The following MARK2 variants were observed in gnomAD, a reference collection of about 807,000 sequenced individuals.
MARK2 encodes the protein serine/threonine-protein kinase MARK2.
In MARK2, 16 loss-of-function variants were observed where a neutral mutation model predicts 89.8. That is an observed-to-expected ratio of 0.18 (90% confidence interval 0.12 to 0.27). The LOEUF (loss-of-function observed/expected upper bound fraction) is 0.27. Among genes scored for constraint, MARK2 ranks in the 10% least tolerant of loss-of-function variants. The pLI is 1.00. For synonymous variants in MARK2, 382 were observed against 399.5 expected, an observed-to-expected ratio of 0.96 and a Z score of 0.52; for missense variants, 621 against 1,049.9, an observed-to-expected ratio of 0.59 and a Z score of 5.65.
At chr11:63,877,100 CTTTTTTTTTTTTTTT>C (rs757123411) in intron 1 of MARK2, among the ~76,000 whole-genome samples, 7 of 79,472 alleles carry the variant, frequency 8.8e-5, no homozygotes, top group African/African-American at 1.4e-4. Flanking sequence ...CAATCAGACT[CTTTTTTTTTTTTTTT>C]TTTTTTTTTT....
chr11:63,851,170 T>C (rs2016555865), intron 1 of MARK2, among the ~76,000 whole-genome samples: 1 of 152,226 alleles, frequency 6.6e-6, no homozygotes, highest in Non-Finnish European at 1.5e-5. Flanking sequence ...AATCTTGAGC[T>C]CAGATTTTGG....
intron 1 of MARK2, among the ~76,000 whole-genome samples, chr11:63,861,799 C>T (rs968041871): frequency 9.0e-5 from 13 of 144,194 alleles, no homozygotes; most frequent in African/African-American, 2.8e-4. Flanking sequence ...TAGAGTGCAA[C>T]GGCACGACCT....
At chr11:63,895,136 G>A (rs1258069110) in intron 1 of MARK2, 23 bp from the exon 2 acceptor site, 2 of 1,603,224 alleles carry the variant, frequency 1.2e-6, no homozygotes, top group African/African-American at 1.3e-5. Context: ...GCATGTAATG[G>A]TATCTCTGTT....
At chr11:63,899,842 G>T in intron 7 of MARK2, 32 bp from the exon 8 acceptor site, 1 of 1,460,858 alleles carries the variant, frequency 6.8e-7, no homozygotes, top group Non-Finnish European at 9.6e-7. Flanking sequence ...TGGTCCACTT[G>T]GTTCCCTGAT....
chr11:63,866,768 G>A (rs952096462), intron 1 of MARK2, among the ~76,000 whole-genome samples: 6 of 152,094 alleles, frequency 3.9e-5, no homozygotes, highest in African/African-American at 1.2e-4. Context: ...TGGACCAACC[G>A]TCTCACTAGC....
At chr11:63,861,050 C>T (rs1042572892) in intron 1 of MARK2, among the ~76,000 whole-genome samples, 6 of 152,148 alleles carry the variant, frequency 3.9e-5, no homozygotes, top group Admixed American at 1.3e-4. Context: ...TATTTCTTTT[C>T]AGATTTACAT....
rs1225368156 is a variant in MARK2 at position 63,898,817 on chromosome 11, G to A, written c.458G>A (p.Arg153Gln). 5 of 1,613,760 alleles carry A rather than the reference G, an allele frequency of 3.1e-6. No homozygotes were observed. The highest frequency in any genetic ancestry group is 2.7e-5 in the African/African-American group (2 of 74,908). Residue 153 changes from arginine to glutamine, a missense_variant, in exon 6 of 19, where the codon CGA (arginine) becomes CAA (glutamine). Arg to Gln is a conservative substitution (Grantham distance 43, BLOSUM62 1). Transcript: ENST00000402010. ...GGCAGGATGAAAGAAAAAGAGGCTC[G>A]AGCCAAATTCCGCCAGGTAGGTGTG... ...AHGRMKEKEA[R>Q]AKFRQIVSAV...
At chr11:63,897,911 CG>C (rs969134739) in intron 3 of MARK2, among the ~76,000 whole-genome samples, 4 of 152,146 alleles carry the variant, frequency 2.6e-5, no homozygotes, top group Non-Finnish European at 5.9e-5. Flanking sequence ...TTCACGCACA[CG>C]GGCTCACACT....
Position 63,903,390 on chromosome 11 carries a change from C to T in MARK2, c.1514+232C>T. On this transcript the variant is annotated intron_variant, in intron 14 of 18. Coordinates refer to ENST00000402010, the MANE Select transcript of MARK2 (RefSeq NM_001039469.3). This position sits in a 1 kb window ranked among gnomAD's most constrained non-coding sequence, Gnocchi z 5.1. ...TTGCCAAGTGTGGGGCTGACCGTGG[C>T]CATCTCAGCTACATGCTCGCTTCTT... 1 of 541,244 alleles carries T rather than the reference C, an allele frequency of 1.8e-6. No individual in the cohort carries two copies. 33.5% of individuals were successfully genotyped at this position (541,244 alleles called of 1,614,324 possible). A position where few individuals can be genotyped will look rare whatever the true frequency, so the allele number is the denominator to read the frequency against.
chr11:63,886,961 C>T (rs760862706), intron 1 of MARK2, among the ~76,000 whole-genome samples: 15 of 152,242 alleles, frequency 9.9e-5, no homozygotes, highest in African/African-American at 3.1e-4. Flanking sequence ...CCGGAGGGCC[C>T]GGGCAAGCTT....
chr11:63,884,384 C>T (rs1939274020), intron 1 of MARK2, among the ~76,000 whole-genome samples: 2 of 152,348 alleles, frequency 1.3e-5, no homozygotes, highest in Non-Finnish European at 2.9e-5. Flanking sequence ...GTTCTCACCT[C>T]TTATGCCATG....
intron 4 of MARK2, 36 bp downstream of exon 4, chr11:63,898,316 A>G (rs1468121229): frequency 3.2e-6 from 5 of 1,579,570 alleles, no homozygotes; most frequent in Admixed American, 3.3e-5. Flanking sequence ...TTCTTCCCCA[A>G]CAGCAAGGCA....
chr11:63,841,385 A>G (rs1036776728), intron 1 of MARK2, among the ~76,000 whole-genome samples: 4 of 151,996 alleles, frequency 2.6e-5, no homozygotes, highest in Non-Finnish European at 4.4e-5. Context: ...GTTGAGAGGG[A>G]GGGATGGTTG....
intron 1 of MARK2, among the ~76,000 whole-genome samples, chr11:63,883,995 G>A (rs945760133): frequency 2.6e-5 from 4 of 152,224 alleles, no homozygotes; most frequent in African/African-American, 9.6e-5. Flanking sequence ...CTTTGCTCAT[G>A]TTCAGTCAGC....
intron 1 of MARK2, among the ~76,000 whole-genome samples, chr11:63,856,206 G>T (rs1394665890): frequency 6.6e-6 from 1 of 151,724 alleles, no homozygotes; most frequent in Non-Finnish European, 1.5e-5. Context: ...ACTTTGGTTT[G>T]CAGTCCTTCT....
At chr11:63,860,380 C>T (rs927872598) in intron 1 of MARK2, among the ~76,000 whole-genome samples, 8 of 150,584 alleles carry the variant, frequency 5.3e-5, no homozygotes, top group Middle Eastern at 3.4e-3. Context: ...GGTGAAACCC[C>T]GTCTCTACTA....
chr11:63,849,098 C>T (rs2016432279), intron 1 of MARK2, among the ~76,000 whole-genome samples: 1 of 152,136 alleles, frequency 6.6e-6, no homozygotes. Context: ...TCAAATAGCT[C>T]CTAGGCTCAA....
In MARK2 at chr11:63,899,102, C is replaced by T; in HGVS notation, c.525C>T (p.Asp175=). ...ACCAGAAGTTTATTGTCCATAGAGA[C>T]TTAAAGGTAAGGCATGCACTTCTCC... ...YCHQKFIVHR[D]LKAENLLLDA... Residue 175 remains aspartate (D), a synonymous_variant, in exon 7 of 19, where the codon GAC becomes GAT. Transcript: ENST00000402010. 6.2e-7 allele frequency: 1 copy of T among 1,608,472 alleles called. No homozygotes were observed. Among genetic ancestry groups the T allele is most frequent in the East Asian group, 2.2e-5 (1 of 44,868 alleles).
At chr11:63,858,386 G>A (rs1448138942) in intron 1 of MARK2, among the ~76,000 whole-genome samples, 2 of 149,714 alleles carry the variant, frequency 1.3e-5, no homozygotes, top group Non-Finnish European at 3.0e-5. Context: ...TTGAGACAGT[G>A]TCTCACTCTA....
Sources: allele counts gnomAD v4.1 joint callset (sites outside exome capture counted in the v4.1 genomes callset), GRCh38; gene constraint gnomAD v4.1.1; non-coding constraint Gnocchi (gnomAD v3.1); transcripts MANE v1.5; gene names NCBI Gene and HGNC (gene_info 2026-07-23, HGNC 2026-07-21).